The following SLC7A2 variants were observed in gnomAD, a reference collection of about 807,000 sequenced individuals.
SLC7A2 encodes the protein solute carrier family 7 member 2.
SLC7A2 carries 48 observed loss-of-function variants against 58.9 expected under a neutral mutation model. The ratio of observed to expected loss-of-function variants is 0.82; its 90% CI spans 0.65 to 1.04. The LOEUF is 1.04. Among genes scored for constraint, SLC7A2 ranks in the 50% least tolerant of loss-of-function variants. SLC7A2 has a pLI of 0.00. For synonymous variants in SLC7A2, 363 were observed against 314.5 expected (o/e 1.15, Z -1.63); for missense variants, 1,029 against 818.8 (o/e 1.26, Z -3.13).
chr8:17,516,013 C>A (rs1800789541), intron 2 of SLC7A2, among the ~76,000 whole-genome samples: 3 of 152,202 alleles, frequency 2.0e-5, no homozygotes, highest in Admixed American at 2.0e-4. Context: ...TACATAGGAT[C>A]ATTGCCTTCC....
chr8:17,529,895 C>T (rs1005035511), intron 2 of SLC7A2, among the ~76,000 whole-genome samples: 1 of 152,120 alleles, frequency 6.6e-6, no homozygotes, highest in African/African-American at 2.4e-5. Flanking sequence ...TTCAACCTTC[C>T]CTTGTGTTAG....
chr8:17,543,415 G>A lies in SLC7A2; in HGVS notation c.76G>A (p.Glu26Lys), dbSNP rs750614168. 1 of 1,614,056 alleles carries A rather than the reference G, an allele frequency of 6.2e-7. No homozygotes were observed. The highest frequency in any genetic ancestry group is 2.2e-5 in the East Asian group (1 of 44,874). The change falls in exon 3 of 13, where the codon GAA becomes AAA. Residue 26 changes from glutamate (E) to lysine (K), a missense_variant. Glu to Lys is a moderately conservative substitution (Grantham distance 56). Transcript: ENST00000494857. Reference protein sequence around the residue: ...RRKIVTLDSLEDTKLCRCLST... With the variant: ...RRKIVTLDSLKDTKLCRCLST... ...AAAAATCGTGACCCTGGACAGTCTA[G>A]AAGACACCAAATTATGCCGCTGCTT...
Position 17,543,652 on chromosome 8 carries a change from G to A in SLC7A2, c.313G>A (p.Val105Met), listed in dbSNP as rs145975234. 2.2e-5 allele frequency: 34 copies of A among 1,551,154 alleles called. 1 individual carries two copies. Among genetic ancestry groups the A allele is most frequent in the African/African-American group, 1.1e-4 (8 of 73,054 alleles). The change falls in exon 3 of 13, where the codon GTG becomes ATG. Residue 105 changes from valine (V) to methionine (M), a missense_variant. Val to Met is a conservative substitution (Grantham distance 21, BLOSUM62 1). Transcript: ENST00000494857. ...GGGGTCTGCATATTTGTACACCTAC[G>A]TGACTGTCGGAGAGCTGTGGGCCTT... is the stretch of plus-strand genomic sequence containing the variant. ...KTGSAYLYTY[V>M]TVGELWAFIT...
chr8:17,557,465 G>T (rs1385990197), intron 8 of SLC7A2, among the ~76,000 whole-genome samples: 1 of 152,094 alleles, frequency 6.6e-6, no homozygotes, highest in Non-Finnish European at 1.5e-5. Context: ...AATCGTAGTA[G>T]AATTTAGTCT....
At chr8:17,526,890 CA>C (rs762265471) in intron 2 of SLC7A2, among the ~76,000 whole-genome samples, 2 of 152,082 alleles carry the variant, frequency 1.3e-5, no homozygotes, top group Non-Finnish European at 2.9e-5. Context: ...AGGATTTCAG[CA>C]AAGCACTTAA....
Position 17,521,565 on chromosome 8 carries a change from A to G in SLC7A2, c.-23+19263A>G, listed in dbSNP as rs1585203047. Among the ~76,000 whole-genome samples the G allele has an allele frequency of 1.3e-5, 2 of 152,218 alleles. 1 individual carries two copies. Among genetic ancestry groups the G allele is most frequent in the South Asian group, 4.1e-4 (2 of 4,832 alleles). ...CTTCTGGAATTCCATCCTGGATCAG[A>G]CCACCCAGTGAAGACAGCCGTGGCA... On this transcript the variant is annotated intron_variant, in intron 2 of 12. Coordinates refer to ENST00000494857, the MANE Select transcript of SLC7A2 (RefSeq NM_001370338.1).
At chr8:17,517,335 T>C (rs1263612690) in intron 2 of SLC7A2, among the ~76,000 whole-genome samples, 4 of 152,182 alleles carry the variant, frequency 2.6e-5, no homozygotes, top group Non-Finnish European at 2.9e-5. Context: ...ACTTTGCTTG[T>C]TCTGAAATGT....
At chr8:17,556,956 A>G (rs1802735928) in intron 8 of SLC7A2, among the ~76,000 whole-genome samples, 1 of 152,122 alleles carries the variant, frequency 6.6e-6, no homozygotes, top group African/African-American at 2.4e-5. Context: ...AAACACTGTG[A>G]TCTTGTAGAA....
intron 2 of SLC7A2, among the ~76,000 whole-genome samples, chr8:17,537,118 A>G (rs1034137290): frequency 6.6e-6 from 1 of 152,138 alleles, no homozygotes; most frequent in African/African-American, 2.4e-5. Context: ...GTGCAGTGGC[A>G]CGATCTTGGC....
chr8:17,530,336 G>A (rs539289503), intron 2 of SLC7A2, among the ~76,000 whole-genome samples: 3 of 152,098 alleles, frequency 2.0e-5, no homozygotes, highest in East Asian at 1.9e-4. Flanking sequence ...GGCAAGGTGG[G>A]GGCAGCTGGA....
chr8:17,531,651 A>G (rs1369915182), intron 2 of SLC7A2, among the ~76,000 whole-genome samples: 1 of 152,128 alleles, frequency 6.6e-6, no homozygotes, highest in African/African-American at 2.4e-5. Context: ...ATTATTATTC[A>G]GAATTAAAAA....
chr8:17,550,548 A>G (rs1802401244), intron 6 of SLC7A2, 114 bp downstream of exon 6: 2 of 930,162 alleles, frequency 2.2e-6, no homozygotes, highest in African/African-American at 1.7e-5. Flanking sequence ...TAAGAAGGGC[A>G]CTAGTTCCAG....
Position 17,567,187 on chromosome 8 carries a change from T to C in SLC7A2, c.*2041T>C, listed in dbSNP as rs1303159837. ...ATAAGCACAGGCTCGGGTATTTTGGTAGGGACTGTAGGCATGCTCATAAAT... is the reference window on the plus strand; with the variant it reads ...ATAAGCACAGGCTCGGGTATTTTGGCAGGGACTGTAGGCATGCTCATAAAT... On this transcript the variant is annotated 3_prime_UTR_variant, in exon 13 of 13. Transcript: ENST00000494857. The C allele has an allele frequency of 6.6e-6, 1 of 152,588 alleles. No individual in the cohort carries two copies. The highest frequency in any genetic ancestry group is 1.5e-5 in the Non-Finnish European group (1 of 68,042). 9.5% of individuals were successfully genotyped at this position (152,588 alleles called of 1,614,324 possible). A position where few individuals can be genotyped will look rare whatever the true frequency, so the allele number is the denominator to read the frequency against.
In SLC7A2 at chr8:17,567,552, G is replaced by A. The variant is rs1384656926; in HGVS notation, c.*2406G>A. 1 of 149,944 alleles carries A rather than the reference G, an allele frequency of 6.7e-6. No homozygotes were observed. The highest frequency in any genetic ancestry group is 1.9e-4 in the East Asian group (1 of 5,180). 9.3% of individuals were successfully genotyped at this position (149,944 alleles called of 1,614,324 possible). On this transcript the variant is annotated 3_prime_UTR_variant, in exon 13 of 13. Coordinates refer to ENST00000494857, the MANE Select transcript of SLC7A2 (RefSeq NM_001370338.1). Reference sequence around the variant, plus strand: ...TGTATGTTTGTTAACAGTTACATATGTTTGTATGAGTGTATATATATATCT... The same window carrying A: ...TGTATGTTTGTTAACAGTTACATATATTTGTATGAGTGTATATATATATCT...
chr8:17,526,433 G>A (rs1446244647), intron 2 of SLC7A2, among the ~76,000 whole-genome samples: 1 of 152,182 alleles, frequency 6.6e-6, no homozygotes, highest in East Asian at 1.9e-4. Context: ...ACCTGACTAG[G>A]AGGACAGGAC....
At chr8:17,495,263 C>T (rs749018896), upstream of SLC7A2, among the ~76,000 whole-genome samples, 5 of 151,902 alleles carry the variant, frequency 3.3e-5, no homozygotes, top group Non-Finnish European at 7.4e-5. Flanking sequence ...TTTTTTAAAC[C>T]AGGTGAAAAA....
chr8:17,554,226 A>C (rs185236958), intron 7 of SLC7A2, among the ~76,000 whole-genome samples: 258 of 152,280 alleles, frequency 1.7e-3, no homozygotes, highest in African/African-American at 6.0e-3. Flanking sequence ...ATGTCTTAAT[A>C]ATATTGGTTT....
intron 2 of SLC7A2, among the ~76,000 whole-genome samples, chr8:17,537,682 C>G (rs955380075): frequency 2.0e-5 from 3 of 152,130 alleles, no homozygotes; most frequent in African/African-American, 7.2e-5. Context: ...GTGACAGGTC[C>G]TAGCAGCTTG....
intron 2 of SLC7A2, among the ~76,000 whole-genome samples, chr8:17,515,120 C>G (rs1017237452): frequency 6.6e-6 from 1 of 152,052 alleles, no homozygotes; most frequent in East Asian, 1.9e-4. Flanking sequence ...TCAGATGAAC[C>G]TTTAAACTTA....
Sources: allele counts gnomAD v4.1 joint callset (sites outside exome capture counted in the v4.1 genomes callset), GRCh38; gene constraint gnomAD v4.1.1; transcripts MANE v1.5; gene names NCBI Gene and HGNC (gene_info 2026-07-23, HGNC 2026-07-21).